FAM167A: variants seen among roughly 807,000 people sequenced by gnomAD.
FAM167A encodes the protein family with sequence similarity 167 member A.
Under a neutral mutation model 14.9 loss-of-function variants are expected in FAM167A, and 23 were observed. The ratio of observed to expected loss-of-function variants is 1.55; its 90% CI spans 1.11 to 2.19. The LOEUF (loss-of-function observed/expected upper bound fraction) is 2.19. FAM167A is among the 30% of genes most tolerant of loss of function. FAM167A has a pLI of 0.00. For synonymous variants in FAM167A, 174 were observed against 117.7 expected (o/e 1.48, Z -3.10); for missense variants, 401 against 281.5 (o/e 1.42, Z -3.04).
At chr8:11,430,470 T>C (rs1186460800) in intron 2 of FAM167A, among the ~76,000 whole-genome samples, 2 of 152,176 alleles carry the variant, frequency 1.3e-5, no homozygotes, top group Non-Finnish European at 2.9e-5. Context: ...TGTTCTAAAA[T>C]TATACGTGAT....
At chr8:11,432,515 G>C (rs1471220040) in intron 2 of FAM167A, among the ~76,000 whole-genome samples, 2 of 152,120 alleles carry the variant, frequency 1.3e-5, no homozygotes, top group Admixed American at 6.5e-5. Flanking sequence ...AAATCACAAG[G>C]AGATACCATC....
chr8:11,431,827 T>A (rs944459137), intron 2 of FAM167A, among the ~76,000 whole-genome samples: 2 of 126,254 alleles, frequency 1.6e-5, no homozygotes, highest in Non-Finnish European at 3.1e-5. Context: ...GTCTGGGAGG[T>A]AGAAGGGCCT....
chr8:11,446,897 C>T (rs1360916788), intron 1 of FAM167A, among the ~76,000 whole-genome samples: 2 of 152,232 alleles, frequency 1.3e-5, no homozygotes, highest in Non-Finnish European at 2.9e-5. Context: ...ACAGGGCTTC[C>T]TTCTCCCTGG....
chr8:11,438,255 C>G (rs1292382895), intron 2 of FAM167A: 1 of 406,944 alleles, frequency 2.5e-6, no homozygotes, highest in East Asian at 7.1e-5. Flanking sequence ...TCTCCTTGAC[C>G]CTGCAAGACA....
intron 1 of FAM167A, among the ~76,000 whole-genome samples, chr8:11,460,623 A>G (rs6982057): frequency 0.066 from 10,046 of 152,270 alleles, 518 homozygotes; most frequent in African/African-American, 0.14. Flanking sequence ...GAGCAACCAC[A>G]TGCATTTTTT....
intron 1 of FAM167A, among the ~76,000 whole-genome samples, chr8:11,448,192 TTA>T (rs1491326169): frequency 9.2e-6 from 1 of 108,928 alleles, no homozygotes; most frequent in Non-Finnish European, 2.0e-5. Context: ...AGACTCTGTC[TTA>T]AAAAAAAAAA....
intron 1 of FAM167A, among the ~76,000 whole-genome samples, chr8:11,473,044 C>A (rs754461935): frequency 8.5e-5 from 13 of 152,238 alleles, no homozygotes; most frequent in Non-Finnish European, 1.3e-4. Context: ...TGGGGAAGAG[C>A]CTGCTTGAAC....
chr8:11,445,408 A>T (rs952505663), intron 1 of FAM167A: 3 of 985,158 alleles, frequency 3.0e-6, no homozygotes, highest in Non-Finnish European at 3.6e-6. Context: ...TCCTCCAAGA[A>T]CAACACCTTA....
At chr8:11,437,407 C>T (rs1011200513) in intron 2 of FAM167A, among the ~76,000 whole-genome samples, 4 of 152,194 alleles carry the variant, frequency 2.6e-5, no homozygotes, top group Non-Finnish European at 4.4e-5. Context: ...CACTCATTCC[C>T]CTCCTCCCTG....
intron 1 of FAM167A, 160 bp from the exon 2 acceptor site, chr8:11,444,968 T>C: frequency 1.4e-6 from 1 of 692,262 alleles, no homozygotes; most frequent in Non-Finnish European, 1.8e-6. Flanking sequence ...TTTAATGCCT[T>C]AATTCAATGC....
In FAM167A at chr8:11,444,383, T is replaced by G. The variant is rs770193242; in HGVS notation, c.29A>C (p.Glu10Ala). Residue 10 changes from glutamate to alanine, a missense_variant, in exon 2 of 3, where the codon GAA (glutamate) becomes GCA (alanine). Physicochemically the swap from Glu to Ala is moderately radical, Grantham distance 107. Transcript: ENST00000284486. ...TCCCGCCCCCTCTTCTGCACCCACT[T>G]CTTCCACGTGGATCTGGGGCACAGA... MSVPQIHVEEVGAEEGAGAA... is the reference protein window; with the variant it reads MSVPQIHVEAVGAEEGAGAA... 1.3e-6 allele frequency: 2 copies of G among 1,563,324 alleles called. No homozygotes were observed. The highest frequency in any genetic ancestry group is 2.3e-5 in the East Asian group (1 of 44,200).
At chr8:11,454,990 T>C (rs1807172367) in intron 1 of FAM167A, among the ~76,000 whole-genome samples, 1 of 150,966 alleles carries the variant, frequency 6.6e-6, no homozygotes, top group Non-Finnish European at 1.5e-5. Context: ...CTGGCGCTCA[T>C]CTCTTGCCTT....
chr8:11,462,168 G>A (rs1374375040), intron 1 of FAM167A, among the ~76,000 whole-genome samples: 1 of 152,238 alleles, frequency 6.6e-6, no homozygotes, highest in Non-Finnish European at 1.5e-5. Flanking sequence ...GGCTGCTGAA[G>A]CCTCCCGGGT....
At chr8:11,428,835 C>T (rs879927842) in intron 2 of FAM167A, among the ~76,000 whole-genome samples, 1 of 152,072 alleles carries the variant, frequency 6.6e-6, no homozygotes. Flanking sequence ...ACTTGAGCCC[C>T]GATTAGGAGG....
At chr8:11,432,288 C>G (rs555334624) in intron 2 of FAM167A, among the ~76,000 whole-genome samples, 250 of 152,190 alleles carry the variant, frequency 1.6e-3, no homozygotes, top group African/African-American at 5.7e-3. Flanking sequence ...AACAGGCAAC[C>G]TACAGAATGG....
intron 1 of FAM167A, among the ~76,000 whole-genome samples, chr8:11,461,905 C>T (rs1807553750): frequency 6.6e-6 from 1 of 152,352 alleles, no homozygotes; most frequent in East Asian, 1.9e-4. Context: ...CCTCCACGTT[C>T]GGGCTGGGGG....
intron 2 of FAM167A, among the ~76,000 whole-genome samples, chr8:11,432,979 C>A (rs143337659): frequency 1.3e-5 from 2 of 152,096 alleles, no homozygotes; most frequent in Admixed American, 6.5e-5. Context: ...AAACCAAACA[C>A]GGCATGTTCT....
At chr8:11,424,676 G>A (rs1043834323) in intron 2 of FAM167A, 40 bp from the exon 3 acceptor site, 2 of 1,605,330 alleles carry the variant, frequency 1.2e-6, no homozygotes, top group African/African-American at 2.7e-5. Flanking sequence ...GCAGAGAGTG[G>A]CTCGAGTCCC....
At chr8:11,439,279 G>C (rs896182883) in intron 2 of FAM167A, among the ~76,000 whole-genome samples, 1 of 152,248 alleles carries the variant, frequency 6.6e-6, no homozygotes, top group Non-Finnish European at 1.5e-5. Context: ...TAGATGGGGG[G>C]TATCAACCTG....
Sources: gnomAD v4.1 joint callset for allele counts (sites outside exome capture counted in the v4.1 genomes callset) on GRCh38, gnomAD v4.1.1 for gene constraint, MANE v1.5 for transcripts, NCBI Gene and HGNC (gene_info 2026-07-23, HGNC 2026-07-21) for gene names.